Variants in ROR1 observed in about 807,000 individuals in gnomAD.
ROR1 encodes inactive tyrosine-protein kinase transmembrane receptor ROR1.
In ROR1, 19 loss-of-function variants were observed where a neutral mutation model predicts 78.8. The ratio of observed to expected loss-of-function variants is 0.24; its 90% CI spans 0.17 to 0.35. The LOEUF is 0.35. Among genes scored for constraint, ROR1 ranks in the 10% least tolerant of loss-of-function variants. The pLI is 1.00. For synonymous variants in ROR1, 386 were observed against 433.6 expected, an observed-to-expected ratio of 0.89 and a Z score of 1.36; for missense variants, 917 against 1,177.8, an observed-to-expected ratio of 0.78 and a Z score of 3.24.
intron 2 of ROR1, among the ~76,000 whole-genome samples, chr1:64,032,399 T>A (rs534376023): frequency 6.7e-6 from 1 of 149,932 alleles, no homozygotes; most frequent in Non-Finnish European, 1.5e-5. Flanking sequence ...TGCATGGAGA[T>A]TGGGGGAGGA....
At chr1:64,087,164 A>G (rs1369276575) in intron 4 of ROR1, among the ~76,000 whole-genome samples, 2 of 152,226 alleles carry the variant, frequency 1.3e-5, no homozygotes, top group Non-Finnish European at 2.9e-5. Context: ...CCTTCATAGT[A>G]AAATTCATGT....
chr1:64,088,860 G>T (rs1346217267), intron 4 of ROR1, among the ~76,000 whole-genome samples: 1 of 152,174 alleles, frequency 6.6e-6, no homozygotes, highest in Non-Finnish European at 1.5e-5. Flanking sequence ...ACAGACTGCA[G>T]AATATAATTC....
intron 4 of ROR1, among the ~76,000 whole-genome samples, chr1:64,129,295 T>A (rs1648830004): frequency 6.6e-6 from 1 of 152,196 alleles, no homozygotes; most frequent in Non-Finnish European, 1.5e-5. Flanking sequence ...AACCTTCTCT[T>A]TTTCAATCCA....
At chr1:64,091,050 A>C (rs1397513101) in intron 4 of ROR1, among the ~76,000 whole-genome samples, 2 of 152,190 alleles carry the variant, frequency 1.3e-5, no homozygotes, top group African/African-American at 4.8e-5. Flanking sequence ...GATCCTGTAG[A>C]TGGTTAGAGG....
chr1:64,145,944 C>CT (rs1033229980), intron 7 of ROR1, among the ~76,000 whole-genome samples: 35 of 152,320 alleles, frequency 2.3e-4, no homozygotes, highest in African/African-American at 8.4e-4. Context: ...GAAGGTCTGT[C>CT]TGATTCCAAG....
At chr1:63,844,456 A>G (rs1421645971) in intron 1 of ROR1, among the ~76,000 whole-genome samples, 7 of 152,178 alleles carry the variant, frequency 4.6e-5, no homozygotes, top group Admixed American at 4.6e-4. Flanking sequence ...CTGCTAGACT[A>G]TCAACTTTAT....
chr1:64,014,754 A>ACATACGCACAC (rs1553151587), intron 2 of ROR1, among the ~76,000 whole-genome samples: 447 of 34,532 alleles, frequency 0.013, 100 homozygotes, highest in Non-Finnish European at 0.027. Flanking sequence ...ATATATATAT[A>ACATACGCACAC]TATATATATA....
At chr1:63,974,875 A>G (rs1646146301) in intron 1 of ROR1, among the ~76,000 whole-genome samples, 1 of 152,208 alleles carries the variant, frequency 6.6e-6, no homozygotes, top group South Asian at 2.1e-4. Context: ...TGAGGGGGAC[A>G]GTGCAGAACT....
At chr1:64,047,985 G>A (rs969290380) in intron 2 of ROR1, among the ~76,000 whole-genome samples, 5 of 152,188 alleles carry the variant, frequency 3.3e-5, no homozygotes, top group African/African-American at 1.2e-4. Context: ...TCATATGTGA[G>A]ACACACTCCT....
intron 4 of ROR1, among the ~76,000 whole-genome samples, chr1:64,099,559 G>A (rs1216137178): frequency 6.6e-6 from 1 of 151,938 alleles, no homozygotes; most frequent in Non-Finnish European, 1.5e-5. Flanking sequence ...AAAATAAAAT[G>A]TTTATATTTT....
chr1:63,980,053 G>T (rs953870344), intron 1 of ROR1, among the ~76,000 whole-genome samples: 2 of 152,032 alleles, frequency 1.3e-5, no homozygotes, highest in Non-Finnish European at 2.9e-5. Context: ...GACCAATGAT[G>T]ATAATGTGCT....
rs143128167 is a variant in ROR1, at chr1:63,810,499, A to G, written c.91+35991A>G. On this transcript the variant is annotated intron_variant, in intron 1 of 8. Coordinates refer to ENST00000371079, the MANE Select transcript of ROR1 (RefSeq NM_005012.4). ...TGCTAGGCAGGAGGGGGAAACACAC[A>G]TGTAATCTAAATAATGTAATGTAAT... Among the ~76,000 whole-genome samples, 556 of 152,326 alleles carry G rather than the reference A, an allele frequency of 3.7e-3. 4 individuals are homozygous for G. The highest frequency in any genetic ancestry group is 0.013 in the African/African-American group (523 of 41,582).
chr1:64,051,784 T>C (rs942557724), intron 4 of ROR1, among the ~76,000 whole-genome samples: 1 of 152,228 alleles, frequency 6.6e-6, no homozygotes, highest in Admixed American at 6.5e-5. Flanking sequence ...TCCTCAATAC[T>C]CTGTAGACTT....
At chr1:63,843,228 C>T (rs1645060132) in intron 1 of ROR1, 2 of 1,502,474 alleles carry the variant, frequency 1.3e-6, no homozygotes, top group African/African-American at 2.8e-5. Flanking sequence ...GACCGCACTG[C>T]CCCCCAGCTT....
At chr1:63,984,184 G>A (rs1014385378) in intron 1 of ROR1, among the ~76,000 whole-genome samples, 13 of 152,154 alleles carry the variant, frequency 8.5e-5, no homozygotes, top group Admixed American at 2.0e-4. Context: ...GAATGAGAAG[G>A]TGGCTGAATG....
intron 4 of ROR1, among the ~76,000 whole-genome samples, chr1:64,078,857 C>G (rs3903873): frequency 0.023 from 3,531 of 152,120 alleles, 67 homozygotes; most frequent in Middle Eastern, 0.034. Flanking sequence ...TTATAGAGGC[C>G]TTGGTGAAAG....
chr1:63,829,838 A>T (rs185276764), intron 1 of ROR1, among the ~76,000 whole-genome samples: 64 of 152,278 alleles, frequency 4.2e-4, no homozygotes, highest in African/African-American at 1.5e-3. Context: ...CATTTTCAAC[A>T]GTCATTTTAT....
At chr1:63,962,360 G>A (rs955655782) in intron 1 of ROR1, among the ~76,000 whole-genome samples, 5 of 152,210 alleles carry the variant, frequency 3.3e-5, no homozygotes, top group East Asian at 1.9e-4. Flanking sequence ...ATAAGTGAAC[G>A]AAGAAATGAA....
intron 4 of ROR1, among the ~76,000 whole-genome samples, chr1:64,060,520 G>T (rs1646908945): frequency 6.6e-6 from 1 of 152,188 alleles, no homozygotes; most frequent in South Asian, 2.1e-4. Flanking sequence ...CCATAGTGAA[G>T]AAGTGTAGCT....
Sources: gnomAD v4.1 joint callset for allele counts (sites outside exome capture counted in the v4.1 genomes callset) on GRCh38, gnomAD v4.1.1 for gene constraint, MANE v1.5 for transcripts, NCBI Gene and HGNC (gene_info 2026-07-23, HGNC 2026-07-21) for gene names.